Variants in CNDP2 observed in about 807,000 individuals in gnomAD.
CNDP2 encodes the protein carnosine dipeptidase 2.
Under a neutral mutation model 55.0 loss-of-function variants are expected in CNDP2, and 38 were observed. The ratio of observed to expected loss-of-function variants is 0.69; its 90% CI spans 0.53 to 0.90. The LOEUF (loss-of-function observed/expected upper bound fraction) is 0.90, where lower values mean the gene tolerates loss of function less well. CNDP2 is among the 40% of genes least tolerant of loss of function. The probability of loss-of-function intolerance (pLI) is 0.00; values close to 1 mark genes in which losing one functional copy is unlikely to be tolerated. For synonymous variants in CNDP2, 241 were observed against 260.2 expected, an observed-to-expected ratio of 0.93 and a Z score of 0.71; for missense variants, 607 against 621.7, an observed-to-expected ratio of 0.98 and a Z score of 0.25.
At chr18:74,508,686 G>C in intron 4 of CNDP2, 154 bp from the exon 5 acceptor site, 1 of 606,690 alleles carries the variant, frequency 1.6e-6, no homozygotes, top group Non-Finnish European at 3.0e-6. Context: ...CAAATTTAAC[G>C]ATAGTGTTGG....
intron 3 of CNDP2, among the ~76,000 whole-genome samples, chr18:74,505,418 G>A (rs1451869098): frequency 3.3e-5 from 5 of 152,104 alleles, no homozygotes; most frequent in Non-Finnish European, 7.3e-5. Flanking sequence ...GCGGGCAACA[G>A]TGAAACCCTG....
chr18:74,518,770 G>A, intron 10 of CNDP2, 130 bp downstream of exon 10: 2 of 1,439,178 alleles, frequency 1.4e-6, no homozygotes, highest in African/African-American at 1.4e-5. Flanking sequence ...AGTTAAGTCA[G>A]CATGAGGACA....
chr18:74,515,306 T>A (rs1365752433), intron 8 of CNDP2, among the ~76,000 whole-genome samples: 1 of 152,122 alleles, frequency 6.6e-6, no homozygotes, highest in Non-Finnish European at 1.5e-5. Context: ...GAGCCTTGGC[T>A]GGCATCAGGG....
In CNDP2 at chr18:74,523,190, C is replaced by G. The variant is rs1268023559; in HGVS notation, c.*3122C>G. The stretch of plus-strand genomic sequence containing the variant: ...TTATGTTAGAAGCTGAGCTGGCATG[C>G]CACTAGCTGGTTTTGATGTAAACAA... On this transcript the variant is annotated 3_prime_UTR_variant, in exon 12 of 12. Transcript: ENST00000324262. The G allele has an allele frequency of 6.6e-6, 1 of 152,246 alleles. No homozygotes were observed. The highest frequency in any genetic ancestry group is 2.4e-5 in the African/African-American group (1 of 41,462). The allele number at this position is 152,246 out of a possible 1,614,324, so 9.4% of individuals were successfully genotyped here. A position where few individuals can be genotyped will look rare whatever the true frequency, so the allele number is the denominator to read the frequency against.
chr18:74,513,000 A>G (rs948119494), intron 7 of CNDP2, among the ~76,000 whole-genome samples: 2 of 152,036 alleles, frequency 1.3e-5, no homozygotes, highest in African/African-American at 4.8e-5. Context: ...CAGGCCAAGC[A>G]CAGCCCTCCC....
At chr18:74,503,063 G>T (rs909265880) in intron 3 of CNDP2, among the ~76,000 whole-genome samples, 1 of 109,638 alleles carries the variant, frequency 9.1e-6, no homozygotes, top group African/African-American at 3.6e-5. Flanking sequence ...GACTCACCTT[G>T]CTCCCTTTCG....
chr18:74,510,353 T>C (rs1175820127), intron 5 of CNDP2, among the ~76,000 whole-genome samples: 1 of 152,190 alleles, frequency 6.6e-6, no homozygotes, highest in Non-Finnish European at 1.5e-5. Flanking sequence ...GGAGAGCACC[T>C]GCAAAGCCAC....
intron 1 of CNDP2, among the ~76,000 whole-genome samples, chr18:74,496,786 G>A (rs1335529894): frequency 1.3e-5 from 2 of 152,192 alleles, no homozygotes; most frequent in Non-Finnish European, 2.9e-5. Context: ...TTGGAGATGG[G>A]GTTGCGGGGA....
In CNDP2 at chr18:74,496,598, G is replaced by GCGCGCGGTCGGGGGCGGAGGCCCCCGAC. The variant is rs1978427009; in HGVS notation, c.-93+190_-93+191insCCGACCGCGCGGTCGGGGGCGGAGGCCC. The stretch of plus-strand genomic sequence containing the variant: ...ACAATGGTGTCCGGGCTGTTCCCGA[G>GCGCGCGGTCGGGGGCGGAGGCCCCCGAC]CGCGCGGTCGGGGGCGGAGGCCCGT... On this transcript the variant is annotated intron_variant, in intron 1 of 11. Coordinates refer to ENST00000324262, the MANE Select transcript of CNDP2 (RefSeq NM_018235.3). Among the ~76,000 whole-genome samples the GCGCGCGGTCGGGGGCGGAGGCCCCCGAC allele has an allele frequency of 2.0e-5, 3 of 152,318 alleles. No individual in the cohort carries two copies. The East Asian group carries it at 5.8e-4, about 29-fold the overall frequency.
intron 10 of CNDP2, 138 bp from the exon 11 acceptor site, chr18:74,518,811 G>A: frequency 1.4e-6 from 2 of 1,444,810 alleles, no homozygotes; most frequent in Non-Finnish European, 1.9e-6. Flanking sequence ...TGGACCCCTG[G>A]CGGACCTTGA....
intron 3 of CNDP2, 100 bp from the exon 4 acceptor site, chr18:74,505,749 G>A (rs769614832): frequency 5.8e-5 from 75 of 1,303,282 alleles, no homozygotes; most frequent in Non-Finnish European, 7.5e-5. Context: ...TGATTGATAA[G>A]GACAGATAAG....
intron 7 of CNDP2, among the ~76,000 whole-genome samples, chr18:74,513,344 G>C (rs939541517): frequency 1.1e-4 from 17 of 152,246 alleles, no homozygotes; most frequent in South Asian, 2.1e-4. Flanking sequence ...CTGAGGCCCC[G>C]GACGGTGCCT....
chr18:74,502,488 G>A (rs71359051), intron 3 of CNDP2, among the ~76,000 whole-genome samples: 29,808 of 147,320 alleles, frequency 0.2, 3,131 homozygotes, highest in Admixed American at 0.28. Context: ...TTTTTTTGTC[G>A]GGATGGGGTT....
intron 3 of CNDP2, among the ~76,000 whole-genome samples, chr18:74,503,118 A>G (rs1456815536): frequency 6.7e-6 from 1 of 149,474 alleles, no homozygotes. Flanking sequence ...GGTGAGGTAA[A>G]TCATTTTTAG....
chr18:74,520,078 T>G lies in CNDP2; in HGVS notation c.*10T>G, dbSNP rs1291525952. 1 of 1,613,828 alleles carries G rather than the reference T, an allele frequency of 6.2e-7. No individual in the cohort carries two copies. The highest frequency in any genetic ancestry group is 8.5e-7 in the Non-Finnish European group (1 of 1,179,868). On this transcript the variant is annotated 3_prime_UTR_variant, in exon 12 of 12. Coordinates refer to ENST00000324262, the MANE Select transcript of CNDP2 (RefSeq NM_018235.3). ...CCAGCTGAAGGACTAGGCCAAGCCC[T>G]CTGTGTGCCATCTCCAATGAGAAGG...
chr18:74,506,595 T>G (rs1488927843), intron 4 of CNDP2, among the ~76,000 whole-genome samples: 1 of 152,228 alleles, frequency 6.6e-6, no homozygotes, highest in African/African-American at 2.4e-5. Context: ...AATGCACATT[T>G]GGAATCCAGG....
At position 74,520,373 on chromosome 18, in the gene CNDP2, C is replaced by T. The variant is rs143219053; in HGVS notation, c.*305C>T. 1.1e-4 allele frequency: 39 copies of T among 361,816 alleles called. No homozygotes were observed. Among genetic ancestry groups the T allele is most frequent in the African/African-American group, 5.9e-4 (28 of 47,458 alleles). 22.4% of individuals were successfully genotyped at this position (361,816 alleles called of 1,614,324 possible). A position where few individuals can be genotyped will look rare whatever the true frequency, so the allele number is the denominator to read the frequency against. ...AAGGTCTGCGGAAAGTTCTGGTTGTCGGCCGGGCACCACGGCTCACACCTA... is the reference window on the plus strand; with the variant it reads ...AAGGTCTGCGGAAAGTTCTGGTTGTTGGCCGGGCACCACGGCTCACACCTA... On this transcript the variant is annotated 3_prime_UTR_variant, in exon 12 of 12. Coordinates refer to ENST00000324262, the MANE Select transcript of CNDP2 (RefSeq NM_018235.3).
chr18:74,512,650 TCA>T (rs2144601097), intron 7 of CNDP2, 118 bp downstream of exon 7: 1 of 804,492 alleles, frequency 1.2e-6, no homozygotes, highest in East Asian at 2.8e-5. Context: ...AACTTCTGTC[TCA>T]GTTTCCTACT....
At chr18:74,509,045 TC>T (rs1253507673) in intron 5 of CNDP2, 117 bp downstream of exon 5, 6 of 811,464 alleles carry the variant, frequency 7.4e-6, no homozygotes, top group Non-Finnish European at 1.2e-5. Flanking sequence ...AAGACAAGCG[TC>T]CCCCAGCCCT....
Sources: allele counts gnomAD v4.1 joint callset (sites outside exome capture counted in the v4.1 genomes callset), GRCh38; gene constraint gnomAD v4.1.1; transcripts MANE v1.5; gene names NCBI Gene and HGNC (gene_info 2026-07-23, HGNC 2026-07-21).